GRID2: variants seen among roughly 807,000 people sequenced by gnomAD.
GRID2 encodes the protein glutamate ionotropic receptor delta type subunit 2.
Under a neutral mutation model 114.8 loss-of-function variants are expected in GRID2, and 33 were observed. The ratio of observed to expected loss-of-function variants is 0.29; its 90% confidence interval spans 0.22 to 0.38. GRID2 has a LOEUF of 0.38. Ranked by LOEUF, GRID2 falls within the 10% of genes least tolerant of loss-of-function variation. The pLI, the probability that GRID2 is intolerant of heterozygous loss-of-function variation, is 1.00. For synonymous variants in GRID2, 505 were observed against 449.9 expected, an observed-to-expected ratio of 1.12 and a Z score of -1.55; for missense variants, 1,184 against 1,257.7, an observed-to-expected ratio of 0.94 and a Z score of 0.89.
chr4:93,206,574 A>G (rs1742808506), intron 4 of GRID2, among the ~76,000 whole-genome samples: 1 of 147,308 alleles, frequency 6.8e-6, no homozygotes, highest in Non-Finnish European at 1.5e-5. Flanking sequence ...AAACCTTCAT[A>G]TAGAAACTGC....
At chr4:92,653,493 A>T (rs1319746516) in intron 2 of GRID2, among the ~76,000 whole-genome samples, 6 of 151,860 alleles carry the variant, frequency 4.0e-5, no homozygotes, top group Non-Finnish European at 8.8e-5. Context: ...ACTTTTGTTC[A>T]TCGTCTGGTT....
chr4:93,279,531 T>C (rs996844195), intron 8 of GRID2, among the ~76,000 whole-genome samples: 4 of 151,916 alleles, frequency 2.6e-5, no homozygotes, highest in Non-Finnish European at 4.4e-5. Context: ...GAAGTAATTT[T>C]AATATAATTC....
chr4:93,730,668 G>T (rs1730400786), intron 14 of GRID2, among the ~76,000 whole-genome samples: 2 of 152,160 alleles, frequency 1.3e-5, no homozygotes, highest in Non-Finnish European at 1.5e-5. Flanking sequence ...CAAACAAAAG[G>T]CTTAAGCAGG....
intron 3 of GRID2, among the ~76,000 whole-genome samples, chr4:93,103,793 G>A (rs971897872): frequency 5.3e-5 from 8 of 151,102 alleles, no homozygotes; most frequent in African/African-American, 1.9e-4. Flanking sequence ...TGGAGCACTG[G>A]TTCCCAAATA....
intron 4 of GRID2, among the ~76,000 whole-genome samples, chr4:93,138,588 C>T (rs1196191556): frequency 6.6e-6 from 1 of 152,182 alleles, no homozygotes; most frequent in African/African-American, 2.4e-5. Flanking sequence ...TAACTACTCC[C>T]TCAGTTAATT....
At chr4:93,330,741 G>A (rs1385316683) in intron 8 of GRID2, among the ~76,000 whole-genome samples, 1 of 151,976 alleles carries the variant, frequency 6.6e-6, no homozygotes, top group Non-Finnish European at 1.5e-5. Flanking sequence ...CTATAGGAAG[G>A]CCATTTACTC....
intron 2 of GRID2, among the ~76,000 whole-genome samples, chr4:93,052,965 T>C (rs775690204): frequency 2.6e-5 from 4 of 151,902 alleles, no homozygotes; most frequent in Non-Finnish European, 5.9e-5. Context: ...AAGAAGTTTA[T>C]TTACCTTTAC....
At chr4:93,805,350 T>C (rs1578804429) in intron 1 of GRID2, among the ~76,000 whole-genome samples, 1 of 152,352 alleles carries the variant, frequency 6.6e-6, no homozygotes, top group East Asian at 1.9e-4. Context: ...AAATGCAGTG[T>C]TTCCCAAGTG....
At chr4:93,727,037 C>T (rs1052116919) in intron 14 of GRID2, among the ~76,000 whole-genome samples, 7 of 152,038 alleles carry the variant, frequency 4.6e-5, no homozygotes, top group African/African-American at 1.2e-4. Context: ...ATAGGAGTGG[C>T]GAGAGAGGGC....
chr4:93,234,364 A>G (rs944581549), intron 7 of GRID2, among the ~76,000 whole-genome samples: 1 of 152,098 alleles, frequency 6.6e-6, no homozygotes, highest in Non-Finnish European at 1.5e-5. Flanking sequence ...CATAGTCCAA[A>G]GGAAAAAATA....
chr4:93,503,682 G>A (rs549478181), intron 12 of GRID2, among the ~76,000 whole-genome samples: 146 of 151,890 alleles, frequency 9.6e-4, no homozygotes, highest in Non-Finnish European at 1.5e-3. Flanking sequence ...TCAGTTTTTC[G>A]TCTTTTAAAA....
Position 93,238,509 on chromosome 4 carries a change from A to C in GRID2, c.1245+19A>C. On this transcript the variant is annotated intron_variant, in intron 8 of 15. Coordinates refer to ENST00000282020, the MANE Select transcript of GRID2 (RefSeq NM_001510.4). ...TCGAAAAGTAAGACAAGACACACTGATTAATACGCTTTTTCCTATACTATG... is the reference window on the plus strand; with the variant it reads ...TCGAAAAGTAAGACAAGACACACTGCTTAATACGCTTTTTCCTATACTATG... 6.2e-7 allele frequency: 1 copy of C among 1,601,846 alleles called. No individual in the cohort carries two copies. Among genetic ancestry groups the C allele is most frequent in the Non-Finnish European group, 8.5e-7 (1 of 1,170,714 alleles).
At chr4:92,945,446 T>C (rs1751551084) in intron 2 of GRID2, among the ~76,000 whole-genome samples, 1 of 152,164 alleles carries the variant, frequency 6.6e-6, no homozygotes, top group South Asian at 2.1e-4. Context: ...CTAGAAAGTC[T>C]AGAAAAATGT....
chr4:93,285,331 C>G (rs1753039839), intron 8 of GRID2, among the ~76,000 whole-genome samples: 1 of 151,926 alleles, frequency 6.6e-6, no homozygotes, highest in South Asian at 2.1e-4. Flanking sequence ...CTTTTGCAAA[C>G]TATGTATAGG....
At chr4:93,796,441 C>G (rs992284436) in intron 1 of GRID2, among the ~76,000 whole-genome samples, 13 of 152,092 alleles carry the variant, frequency 8.5e-5, no homozygotes, top group Admixed American at 4.6e-4. Context: ...AGAGGGGAAT[C>G]TATGTAGAGT....
At chr4:92,333,525 T>G (rs1275858574) in intron 1 of GRID2, among the ~76,000 whole-genome samples, 1 of 152,184 alleles carries the variant, frequency 6.6e-6, no homozygotes, top group East Asian at 1.9e-4. Flanking sequence ...ACACTCTTGG[T>G]TTGCTCTCCT....
At chr4:93,095,918 T>C (rs1391303309) in intron 3 of GRID2, among the ~76,000 whole-genome samples, 1 of 152,038 alleles carries the variant, frequency 6.6e-6, no homozygotes, top group Non-Finnish European at 1.5e-5. Context: ...TAACATTGTG[T>C]AAAGATCTTA....
chr4:92,387,756 G>A (rs1367265958), intron 1 of GRID2, among the ~76,000 whole-genome samples: 1 of 152,004 alleles, frequency 6.6e-6, no homozygotes, highest in Non-Finnish European at 1.5e-5. Flanking sequence ...CTTTCTCAAT[G>A]TAGAAGGGGC....
chr4:93,524,815 GTATGTATGTATATATA>G lies in GRID2; in HGVS notation c.2193+9408_2193+9423del, dbSNP rs1560713574. 4.6e-3 allele frequency among the ~76,000 whole-genome samples: 226 copies of G among 49,252 alleles called. 3 individuals carry two copies. In the Middle Eastern group the frequency reaches 0.065, roughly 14 times the overall value. 32.3% of individuals were successfully genotyped at this position (49,252 alleles called of 152,430 possible). A position where few individuals can be genotyped will look rare whatever the true frequency, so the allele number is the denominator to read the frequency against. On this transcript the variant is annotated intron_variant, in intron 13 of 15. Transcript: ENST00000282020. ...TATATATATATATATATATATATAT[GTATGTATGTATATATA>G]TATATATATATATATATATGTATAC...
Sources: allele counts gnomAD v4.1 joint callset (sites outside exome capture counted in the v4.1 genomes callset), GRCh38; gene constraint gnomAD v4.1.1; transcripts MANE v1.5; gene names NCBI Gene and HGNC (gene_info 2026-07-23, HGNC 2026-07-21).